Variants in CSMD1 observed in about 807,000 individuals in gnomAD.
The protein encoded by CSMD1 is CUB and sushi domain-containing protein 1.
A neutral mutation model predicts 417.5 loss-of-function variants in CSMD1; 213 were observed. The observed-to-expected ratio is 0.51, with a 90% CI of 0.46 to 0.57. CSMD1 has a LOEUF of 0.57. CSMD1 is among the 20% of genes least tolerant of loss of function. The pLI, the probability that CSMD1 is intolerant of heterozygous loss-of-function variation, is 0.00. For synonymous variants in CSMD1, 2,862 were observed against 1,736.8 expected, an observed-to-expected ratio of 1.65 and a Z score of -16.11; for missense variants, 6,923 against 4,529.7, an observed-to-expected ratio of 1.53 and a Z score of -15.17.
chr8:4,673,170 AAAAG>A (rs879574792), intron 1 of CSMD1, among the ~76,000 whole-genome samples: 6 of 152,202 alleles, frequency 3.9e-5, no homozygotes, highest in Non-Finnish European at 2.9e-5. Flanking sequence ...TATGGAAGGA[AAAAG>A]AAAGAAAGAA....
intron 3 of CSMD1, among the ~76,000 whole-genome samples, chr8:4,314,609 AC>A (rs1163233953): frequency 2.1e-5 from 3 of 141,314 alleles, no homozygotes; most frequent in Non-Finnish European, 4.7e-5. Flanking sequence ...ATTTTCACAC[AC>A]ACACACACAC....
intron 1 of CSMD1, among the ~76,000 whole-genome samples, chr8:4,821,645 T>A (rs372175153): frequency 9.2e-5 from 14 of 152,270 alleles, no homozygotes; most frequent in African/African-American, 3.4e-4. Context: ...CTTCACCTAA[T>A]GGGAATTTTG....
At chr8:4,097,684 T>G (rs972181432) in intron 3 of CSMD1, among the ~76,000 whole-genome samples, 4 of 152,220 alleles carry the variant, frequency 2.6e-5, no homozygotes, top group African/African-American at 4.8e-5. Flanking sequence ...ACAGTGAATT[T>G]TAGCCCTTGG....
At chr8:4,739,282 A>C (rs1180400493) in intron 1 of CSMD1, among the ~76,000 whole-genome samples, 1 of 152,066 alleles carries the variant, frequency 6.6e-6, no homozygotes, top group African/African-American at 2.4e-5. Context: ...TTCACTTGGA[A>C]CTCCTACAGA....
At chr8:4,178,250 T>A (rs1401876262) in intron 3 of CSMD1, among the ~76,000 whole-genome samples, 1 of 152,086 alleles carries the variant, frequency 6.6e-6, no homozygotes, top group South Asian at 2.1e-4. Context: ...GTGGGCTTCA[T>A]CCCTGGGATG....
chr8:3,140,442 G>A (rs1818369729), intron 41 of CSMD1, among the ~76,000 whole-genome samples: 1 of 152,118 alleles, frequency 6.6e-6, no homozygotes, highest in South Asian at 2.1e-4. Flanking sequence ...TAAAGAAGGG[G>A]AACACAGAAA....
At chr8:3,618,524 T>C (rs556177807) in intron 7 of CSMD1, among the ~76,000 whole-genome samples, 4 of 152,270 alleles carry the variant, frequency 2.6e-5, no homozygotes, top group East Asian at 1.9e-4. Flanking sequence ...GACAATTATA[T>C]TGAATTCCAA....
At chr8:4,313,476 A>C (rs1798744299) in intron 3 of CSMD1, among the ~76,000 whole-genome samples, 1 of 149,268 alleles carries the variant, frequency 6.7e-6, no homozygotes, top group African/African-American at 2.5e-5. Flanking sequence ...CAGGAACCCG[A>C]AGAGCTCCCA....
intron 49 of CSMD1, among the ~76,000 whole-genome samples, chr8:3,081,103 G>A (rs557533405): frequency 1.3e-5 from 2 of 152,296 alleles, no homozygotes; most frequent in African/African-American, 2.4e-5. Context: ...GCCCGGGTCC[G>A]AGGGACACAG....
intron 2 of CSMD1, among the ~76,000 whole-genome samples, chr8:4,531,502 G>A (rs1796816213): frequency 6.6e-6 from 1 of 151,980 alleles, no homozygotes; most frequent in African/African-American, 2.4e-5. Flanking sequence ...TAAGTATAAC[G>A]TCACCTGCCC....
At chr8:4,039,774 C>A (rs1197555779) in intron 3 of CSMD1, among the ~76,000 whole-genome samples, 3 of 152,130 alleles carry the variant, frequency 2.0e-5, no homozygotes, top group Non-Finnish European at 2.9e-5. Context: ...TTGTGGCAAG[C>A]ATTTATAGAA....
chr8:4,175,471 A>G (rs1334341615), intron 3 of CSMD1, among the ~76,000 whole-genome samples: 2 of 152,212 alleles, frequency 1.3e-5, no homozygotes, highest in Non-Finnish European at 2.9e-5. Context: ...AAAAGCATCC[A>G]AAATTGTAAA....
At chr8:4,853,500 G>C (rs113909841) in intron 1 of CSMD1, among the ~76,000 whole-genome samples, 71 of 152,314 alleles carry the variant, frequency 4.7e-4, no homozygotes, top group African/African-American at 1.6e-3. Flanking sequence ...AAGGAGGCTT[G>C]GCAGCTTCCA....
intron 3 of CSMD1, among the ~76,000 whole-genome samples, chr8:4,160,886 G>T (rs990716770): frequency 6.6e-6 from 1 of 152,194 alleles, no homozygotes; most frequent in Non-Finnish European, 1.5e-5. Context: ...AGGACATACT[G>T]CTGTTGTTCT....
intron 54 of CSMD1, among the ~76,000 whole-genome samples, chr8:2,984,187 G>A (rs568728980): frequency 1.2e-4 from 19 of 152,200 alleles, no homozygotes; most frequent in African/African-American, 2.9e-4. Context: ...GCCTCAAATC[G>A]GATTCACAGG....
chr8:4,886,094 G>C lies in CSMD1; in HGVS notation c.85+108238C>G, dbSNP rs375603686. ...CAACCTCCGTCTCCCAGGTTCAGAC[G>C]ATCCTCCTGCCTCAGCCTCCTGAGT... On this transcript the variant is annotated intron_variant, in intron 1 of 69. Coordinates refer to ENST00000635120, the MANE Select transcript of CSMD1 (RefSeq NM_033225.6). Among the ~76,000 whole-genome samples, 33 of 152,104 alleles carry C rather than the reference G, an allele frequency of 2.2e-4. No homozygotes were observed. In the East Asian group the frequency reaches 4.6e-3, roughly 21 times the overall value.
At chr8:4,806,390 G>A (rs1447954094) in intron 1 of CSMD1, among the ~76,000 whole-genome samples, 1 of 152,228 alleles carries the variant, frequency 6.6e-6, no homozygotes, top group South Asian at 2.1e-4. Context: ...CCAGCCTGTG[G>A]ATGAAGCAAA....
intron 1 of CSMD1, among the ~76,000 whole-genome samples, chr8:4,908,446 C>T (rs968956301): frequency 6.6e-6 from 1 of 152,142 alleles, no homozygotes; most frequent in Non-Finnish European, 1.5e-5. Flanking sequence ...CTATCTTTCT[C>T]TGCTCTCCTT....
chr8:3,861,827 C>G (rs1421093750), intron 5 of CSMD1, among the ~76,000 whole-genome samples: 4 of 152,160 alleles, frequency 2.6e-5, no homozygotes, highest in African/African-American at 9.7e-5. Context: ...ACAGATGTGA[C>G]CTATGAAGCC....
Sources: allele counts gnomAD v4.1 joint callset (sites outside exome capture counted in the v4.1 genomes callset), GRCh38; gene constraint gnomAD v4.1.1; transcripts MANE v1.5; gene names NCBI Gene and HGNC (gene_info 2026-07-23, HGNC 2026-07-21).